PXDNL: variants seen among roughly 807,000 people sequenced by gnomAD.
PXDNL encodes probable oxidoreductase PXDNL.
Under a neutral mutation model 150.8 loss-of-function variants are expected in PXDNL, and 145 were observed. That is an observed-to-expected ratio of 0.96 (90% CI 0.84 to 1.10). The LOEUF is 1.10. PXDNL is among the 50% of genes least tolerant of loss of function. The pLI is 0.00. For missense variants in PXDNL, 2,087 were observed against 1,873.9 expected, an observed-to-expected ratio of 1.11 and a Z score of -2.10; for synonymous variants, 757 against 725.7, an observed-to-expected ratio of 1.04 and a Z score of -0.69.
At chr8:51,613,489 G>C (rs565132059) in intron 2 of PXDNL, among the ~76,000 whole-genome samples, 9 of 86,342 alleles carry the variant, frequency 1.0e-4, no homozygotes, top group South Asian at 6.3e-4. Context: ...GGGGGCGGGG[G>C]GGGGGCAGGG....
At chr8:51,360,367 C>A (rs1438874887) in intron 19 of PXDNL, among the ~76,000 whole-genome samples, 1 of 152,132 alleles carries the variant, frequency 6.6e-6, no homozygotes, top group Non-Finnish European at 1.5e-5. Context: ...ACATACAATA[C>A]CTATTCATGC....
At chr8:51,682,541 T>G (rs921201275) in intron 1 of PXDNL, among the ~76,000 whole-genome samples, 3 of 152,166 alleles carry the variant, frequency 2.0e-5, no homozygotes, top group East Asian at 3.9e-4. Flanking sequence ...CTTAATCTGT[T>G]TGCTGCTGAA....
chr8:51,513,224 G>A (rs1161586381), intron 4 of PXDNL, among the ~76,000 whole-genome samples: 2 of 152,228 alleles, frequency 1.3e-5, no homozygotes, highest in Non-Finnish European at 2.9e-5. Flanking sequence ...AGGTGAGGCT[G>A]TGCTGCTCTC....
intron 5 of PXDNL, among the ~76,000 whole-genome samples, chr8:51,495,642 C>G (rs1222337117): frequency 6.6e-6 from 1 of 152,192 alleles, no homozygotes; most frequent in East Asian, 1.9e-4. Flanking sequence ...TCAGAGAATA[C>G]TATAAACACC....
At chr8:51,684,087 C>A (rs1206360195) in intron 1 of PXDNL, among the ~76,000 whole-genome samples, 4 of 152,164 alleles carry the variant, frequency 2.6e-5, no homozygotes, top group Admixed American at 2.0e-4. Flanking sequence ...GTGTTCCCAC[C>A]TAGAGGGCAG....
chr8:51,741,786 G>A (rs546869939), intron 1 of PXDNL, among the ~76,000 whole-genome samples: 41 of 152,296 alleles, frequency 2.7e-4, no homozygotes, highest in African/African-American at 4.3e-4. Flanking sequence ...CTCACACGTC[G>A]CTGGTGGGAA....
At chr8:51,437,342 C>G (rs916357488) in intron 12 of PXDNL, among the ~76,000 whole-genome samples, 8 of 152,118 alleles carry the variant, frequency 5.3e-5, no homozygotes, top group Non-Finnish European at 1.5e-5. Flanking sequence ...TTCTATGAAG[C>G]CAGTATCATC....
chr8:51,637,176 C>A (rs1814623263), intron 2 of PXDNL, among the ~76,000 whole-genome samples: 1 of 152,074 alleles, frequency 6.6e-6, no homozygotes, highest in Non-Finnish European at 1.5e-5. Context: ...GACATCCACA[C>A]CAAAACCCCA....
At chr8:51,537,230 G>A (rs771635163) in intron 4 of PXDNL, among the ~76,000 whole-genome samples, 7 of 152,138 alleles carry the variant, frequency 4.6e-5, no homozygotes, top group Admixed American at 6.5e-5. Flanking sequence ...CTGATTCACC[G>A]TGAATGTGGG....
intron 3 of PXDNL, among the ~76,000 whole-genome samples, chr8:51,572,404 CTTG>C (rs928558762): frequency 3.3e-4 from 50 of 151,956 alleles, no homozygotes; most frequent in African/African-American, 1.0e-3. Flanking sequence ...AATTCTGATA[CTTG>C]TTGCAACATG....
intron 3 of PXDNL, among the ~76,000 whole-genome samples, chr8:51,570,828 C>T (rs2130591785): frequency 6.6e-6 from 1 of 151,866 alleles, no homozygotes; most frequent in African/African-American, 2.4e-5. Context: ...AAAATTCTTA[C>T]TCATAATTCA....
At chr8:51,658,209 G>A (rs1015397081) in intron 1 of PXDNL, among the ~76,000 whole-genome samples, 2 of 151,896 alleles carry the variant, frequency 1.3e-5, no homozygotes, top group African/African-American at 4.8e-5. Flanking sequence ...AGGCATGGTG[G>A]TACACACCTG....
At chr8:51,788,977 A>G (rs2037485308) in intron 1 of PXDNL, among the ~76,000 whole-genome samples, 1 of 151,702 alleles carries the variant, frequency 6.6e-6, no homozygotes, top group South Asian at 2.1e-4. Context: ...AATATTCCTG[A>G]TTTCTCCCTG....
intron 19 of PXDNL, among the ~76,000 whole-genome samples, chr8:51,361,699 C>T (rs1353882396): frequency 3.3e-5 from 5 of 151,938 alleles, no homozygotes; most frequent in Admixed American, 6.6e-5. Context: ...CAGTGGCTCA[C>T]GCCTGTAATC....
chr8:51,760,902 AGG>A, intron 1 of PXDNL, among the ~76,000 whole-genome samples: 1 of 111,348 alleles, frequency 9.0e-6, no homozygotes, highest in Non-Finnish European at 1.7e-5. Context: ...TCTGTCGCCC[AGG>A]CTGGAGTGCA....
chr8:51,595,187 C>T (rs1424361454), intron 2 of PXDNL, among the ~76,000 whole-genome samples: 2 of 152,026 alleles, frequency 1.3e-5, no homozygotes, highest in Admixed American at 6.6e-5. Context: ...GGACCAATGG[C>T]CCAGTTTATT....
At chr8:51,370,497 C>A (rs1427862822) in intron 19 of PXDNL, among the ~76,000 whole-genome samples, 3 of 152,232 alleles carry the variant, frequency 2.0e-5, no homozygotes, top group Non-Finnish European at 4.4e-5. Flanking sequence ...ATTCCTGGAT[C>A]TAATCACTAA....
intron 20 of PXDNL, 82 bp from the exon 21 acceptor site, chr8:51,339,835 T>A (rs1437594): frequency 0.081 from 115,593 of 1,418,500 alleles, 6,741 homozygotes; most frequent in East Asian, 0.24. Context: ...TCTTCTTTGG[T>A]CATTTGGCAT....
At chr8:51,589,887 T>G (rs1055099654) in intron 3 of PXDNL, among the ~76,000 whole-genome samples, 2 of 152,158 alleles carry the variant, frequency 1.3e-5, no homozygotes, top group African/African-American at 4.8e-5. Flanking sequence ...TGTGCCCAAG[T>G]GACCATTTGC....
Sources: gnomAD v4.1 joint callset for allele counts (sites outside exome capture counted in the v4.1 genomes callset) on GRCh38, gnomAD v4.1.1 for gene constraint, MANE v1.5 for transcripts, NCBI Gene and HGNC (gene_info 2026-07-23, HGNC 2026-07-21) for gene names.